Variants in RPS6KA6 observed in about 807,000 individuals in gnomAD.
RPS6KA6 encodes ribosomal protein S6 kinase alpha-6.
RPS6KA6 carries 27 observed loss-of-function variants against 65.4 expected under a neutral mutation model. The ratio of observed to expected loss-of-function variants is 0.41; its 90% confidence interval spans 0.30 to 0.57. RPS6KA6 has a LOEUF of 0.57. Ranked by LOEUF, RPS6KA6 falls within the 20% of genes least tolerant of loss-of-function variation. RPS6KA6 has a pLI of 0.24. For missense variants in RPS6KA6, 486 were observed against 555.6 expected, an observed-to-expected ratio of 0.87 and a Z score of 1.26; for synonymous variants, 190 against 184.2, an observed-to-expected ratio of 1.03 and a Z score of -0.26.
chrX:84,066,018 A>C (rs2033393240), intron 20 of RPS6KA6, among the ~76,000 whole-genome samples: 1 of 110,979 alleles, frequency 9.0e-6, no homozygotes, highest in Non-Finnish European at 1.9e-5. Flanking sequence ...GCAAGGAGCC[A>C]GGGGACCTCT....
At chrX:84,131,100 G>T (rs769087729) in intron 8 of RPS6KA6, among the ~76,000 whole-genome samples, 5 of 111,982 alleles carry the variant, frequency 4.5e-5, no homozygotes, top group Non-Finnish European at 9.4e-5. Flanking sequence ...CAAAACTATA[G>T]TACTATAACC....
intron 20 of RPS6KA6, among the ~76,000 whole-genome samples, chrX:84,083,464 C>T (rs1025351494): frequency 8.9e-6 from 1 of 112,115 alleles, no homozygotes; most frequent in African/African-American, 3.2e-5. Flanking sequence ...CTCCCTTATA[C>T]GTGAGAATAC....
intron 9 of RPS6KA6, 45 bp downstream of exon 9, chrX:84,119,840 T>C (rs1034475503): frequency 2.1e-5 from 22 of 1,032,526 alleles, no homozygotes; most frequent in Non-Finnish European, 2.7e-5. Context: ...TTATAAGTAA[T>C]ATCAATCACA....
At chrX:84,159,303 C>T (rs2035472781) in intron 2 of RPS6KA6, among the ~76,000 whole-genome samples, 1 of 110,657 alleles carries the variant, frequency 9.0e-6, no homozygotes, top group Non-Finnish European at 1.9e-5. Context: ...TTTTTGTCAA[C>T]TGAAACCCTC....
At chrX:84,098,411 T>C (rs1045902052) in intron 18 of RPS6KA6, among the ~76,000 whole-genome samples, 91 of 111,742 alleles carry the variant, frequency 8.1e-4, no homozygotes, top group African/African-American at 2.7e-3. Context: ...AAATACTGAA[T>C]GGCTTCATTA....
intron 8 of RPS6KA6, among the ~76,000 whole-genome samples, chrX:84,129,414 A>G (rs1299709129): frequency 9.0e-6 from 1 of 111,581 alleles, no homozygotes; most frequent in Non-Finnish European, 1.9e-5. Context: ...AATCAGCACA[A>G]CCACTATGGA....
intron 17 of RPS6KA6, among the ~76,000 whole-genome samples, chrX:84,103,191 A>G (rs1263789353): frequency 3.6e-5 from 4 of 111,440 alleles, no homozygotes; most frequent in Non-Finnish European, 5.7e-5. Context: ...ACACAGTCTT[A>G]AGAAAATCAA....
At chrX:84,183,627 G>A (rs2035888659) in intron 1 of RPS6KA6, among the ~76,000 whole-genome samples, 1 of 111,460 alleles carries the variant, frequency 9.0e-6, no homozygotes, top group African/African-American at 3.3e-5. Context: ...CCACATCACA[G>A]ACTTACAACA....
intron 12 of RPS6KA6, among the ~76,000 whole-genome samples, chrX:84,114,282 G>C (rs993907472): frequency 1.8e-5 from 2 of 110,757 alleles, no homozygotes; most frequent in Admixed American, 1.9e-4. Flanking sequence ...GAACCCAGAA[G>C]TTCCAGACCA....
intron 5 of RPS6KA6, among the ~76,000 whole-genome samples, chrX:84,146,012 C>T (rs2147545802): frequency 9.0e-6 from 1 of 111,221 alleles, no homozygotes; most frequent in Non-Finnish European, 1.9e-5. Context: ...TTTATACCTC[C>T]TTAATAGTAC....
intron 20 of RPS6KA6, among the ~76,000 whole-genome samples, chrX:84,068,682 A>C (rs2033459353): frequency 8.9e-6 from 1 of 112,268 alleles, no homozygotes; most frequent in Non-Finnish European, 1.9e-5. Flanking sequence ...CTATCGTCTC[A>C]GCCTAAAAAC....
rs907937211 is a variant in RPS6KA6 at position 84,102,139 on chromosome X, T to G, written c.1674A>C (p.Ala558=). 1.3e-5 allele frequency: 15 copies of G among 1,176,344 alleles called. No individual in the cohort carries two copies. The highest frequency in any genetic ancestry group is 1.8e-5 in the African/African-American group (1 of 56,104). The change falls in exon 18 of 22, where the codon GCA becomes GCC. Residue 558 remains alanine (A), a synonymous_variant. Transcript: ENST00000262752. ...NILYMDESAS[A]DSIRICDFGF... is the part of the protein sequence containing the mutation. ...CAAAATCACATATCCTGATTGAATCTGCACTGGCTGATTCATCCATGTATA... is the reference window on the plus strand; with the variant it reads ...CAAAATCACATATCCTGATTGAATCGGCACTGGCTGATTCATCCATGTATA...
chrX:84,165,025 C>T (rs1014033006), intron 1 of RPS6KA6, among the ~76,000 whole-genome samples: 33 of 111,120 alleles, frequency 3.0e-4, no homozygotes, highest in Admixed American at 2.3e-3. Context: ...ACCTCTTGTC[C>T]GTTTCTGTAA....
At chrX:84,082,677 C>T (rs957688040) in intron 20 of RPS6KA6, among the ~76,000 whole-genome samples, 2 of 111,563 alleles carry the variant, frequency 1.8e-5, no homozygotes, top group African/African-American at 3.3e-5. Context: ...GGAGGCATCA[C>T]GCTACCTGAC....
intron 3 of RPS6KA6, among the ~76,000 whole-genome samples, chrX:84,154,968 C>T (rs1490443952): frequency 2.7e-5 from 3 of 111,381 alleles, no homozygotes. Flanking sequence ...GGGAGGCTAA[C>T]GTGGGAAGAT....
At chrX:84,162,767 C>A (rs1356813847) in intron 2 of RPS6KA6, among the ~76,000 whole-genome samples, 4 of 111,882 alleles carry the variant, frequency 3.6e-5, no homozygotes, top group Non-Finnish European at 7.5e-5. Flanking sequence ...GTTCCTTATA[C>A]TCCTTTATCT....
At chrX:84,110,939 A>G (rs1278941499) in intron 12 of RPS6KA6, among the ~76,000 whole-genome samples, 1 of 109,154 alleles carries the variant, frequency 9.2e-6, no homozygotes, top group African/African-American at 3.3e-5. Context: ...TCAAACACAT[A>G]CAAACAAACA....
At chrX:84,125,491 G>T (rs1029390127) in intron 8 of RPS6KA6, among the ~76,000 whole-genome samples, 1 of 111,320 alleles carries the variant, frequency 9.0e-6, no homozygotes, top group Non-Finnish European at 1.9e-5. Flanking sequence ...TAAAATAAGA[G>T]GTATTAGATC....
intron 6 of RPS6KA6, among the ~76,000 whole-genome samples, chrX:84,141,573 G>A (rs1006509460): frequency 9.0e-6 from 1 of 110,877 alleles, no homozygotes; most frequent in East Asian, 2.8e-4. Flanking sequence ...ATTAAAAGAC[G>A]TGGACTCTCA....
Sources: allele counts gnomAD v4.1 joint callset (sites outside exome capture counted in the v4.1 genomes callset), GRCh38; gene constraint gnomAD v4.1.1; transcripts MANE v1.5; gene names NCBI Gene and HGNC (gene_info 2026-07-23, HGNC 2026-07-21).